NELL2: variants seen among roughly 807,000 people sequenced by gnomAD.
NELL2 encodes neural EGFL like 2, also known as protein kinase C-binding protein NELL2.
In NELL2, 41 loss-of-function variants were observed where a neutral mutation model predicts 109.6. The observed-to-expected ratio is 0.37, with a 90% CI of 0.29 to 0.49. NELL2 has a LOEUF of 0.49. Ranked by LOEUF, NELL2 falls within the 20% of genes least tolerant of loss-of-function variation. The pLI, the probability that NELL2 is intolerant of heterozygous loss-of-function variation, is 0.98. For missense variants in NELL2, 900 were observed against 1,008.3 expected (o/e 0.89, Z 1.45); for synonymous variants, 355 against 344.7 (o/e 1.03, Z -0.33).
intron 1 of NELL2, chr12:44,881,819 T>C (rs1279111137): frequency 6.6e-6 from 1 of 151,868 alleles, no homozygotes; most frequent in Non-Finnish European, 1.5e-5. Context: ...GATACACTTA[T>C]AGGAATCCAT....
intron 12 of NELL2, among the ~76,000 whole-genome samples, chr12:44,668,600 C>T (rs1004067764): frequency 6.6e-6 from 1 of 152,066 alleles, no homozygotes; most frequent in East Asian, 1.9e-4. Context: ...CATCATCCCA[C>T]ACTGCCCACT....
intron 15 of NELL2, among the ~76,000 whole-genome samples, chr12:44,544,603 C>A (rs1307198342): frequency 1.3e-5 from 2 of 152,038 alleles, no homozygotes; most frequent in African/African-American, 4.8e-5. Context: ...ATTCCAAATT[C>A]TTCTCTGTTG....
chr12:44,793,437 C>T (rs1942507179), intron 3 of NELL2, among the ~76,000 whole-genome samples: 1 of 152,122 alleles, frequency 6.6e-6, no homozygotes, highest in Admixed American at 6.5e-5. Flanking sequence ...TTGCTAAATA[C>T]CTGTCAGTTC....
chr12:44,827,114 G>A (rs1280558429), intron 2 of NELL2, among the ~76,000 whole-genome samples: 1 of 152,146 alleles, frequency 6.6e-6, no homozygotes, highest in African/African-American at 2.4e-5. Context: ...TGAGTGAAAC[G>A]TATGAGTTCC....
chr12:44,669,732 A>C (rs900601683), intron 12 of NELL2, among the ~76,000 whole-genome samples: 1 of 152,198 alleles, frequency 6.6e-6, no homozygotes, highest in Non-Finnish European at 1.5e-5. Context: ...TAAGAAGAAT[A>C]AAATGAAATG....
chr12:44,537,696 T>C (rs1942358370), intron 15 of NELL2, among the ~76,000 whole-genome samples: 1 of 152,158 alleles, frequency 6.6e-6, no homozygotes, highest in Admixed American at 6.5e-5. Flanking sequence ...TTCTAGATTA[T>C]CTGAAACATT....
At chr12:44,915,114 G>T (rs750261555), upstream of NELL2, among the ~76,000 whole-genome samples, 1 of 152,146 alleles carries the variant, frequency 6.6e-6, no homozygotes, top group Non-Finnish European at 1.5e-5. Flanking sequence ...GCCTCCCAAA[G>T]TGCTGGGATT....
At chr12:44,778,526 C>A (rs1206552853) in intron 5 of NELL2, among the ~76,000 whole-genome samples, 1 of 152,060 alleles carries the variant, frequency 6.6e-6, no homozygotes, top group Non-Finnish European at 1.5e-5. Context: ...ACATAATTGA[C>A]ATGTGGAGAT....
intron 3 of NELL2, among the ~76,000 whole-genome samples, chr12:44,812,839 G>A (rs781430255): frequency 9.2e-5 from 14 of 152,128 alleles, no homozygotes; most frequent in Admixed American, 6.6e-4. Flanking sequence ...AAAGAACCTA[G>A]TTTAATGATC....
intron 15 of NELL2, among the ~76,000 whole-genome samples, chr12:44,583,404 A>G (rs1944389273): frequency 2.6e-5 from 4 of 152,236 alleles, no homozygotes; most frequent in Admixed American, 2.6e-4. Flanking sequence ...ACACCCCGCC[A>G]ACACCAGAAA....
At chr12:44,853,413 G>A (rs1047666332) in intron 2 of NELL2, among the ~76,000 whole-genome samples, 5 of 152,130 alleles carry the variant, frequency 3.3e-5, no homozygotes, top group African/African-American at 9.6e-5. Flanking sequence ...ACCCAAGTCT[G>A]AATTCTTTAG....
At chr12:44,628,743 C>T (rs991889837) in intron 13 of NELL2, among the ~76,000 whole-genome samples, 1 of 152,126 alleles carries the variant, frequency 6.6e-6, no homozygotes, top group Non-Finnish European at 1.5e-5. Context: ...TCTGCCTGCT[C>T]GCCCCACCCG....
intron 13 of NELL2, among the ~76,000 whole-genome samples, chr12:44,663,355 A>G (rs939403440): frequency 1.3e-5 from 2 of 152,216 alleles, no homozygotes; most frequent in African/African-American, 4.8e-5. Context: ...AGACCTAGTC[A>G]TAATAGAGAG....
chr12:44,600,912 A>G (rs1317292233), intron 15 of NELL2, among the ~76,000 whole-genome samples: 1 of 152,218 alleles, frequency 6.6e-6, no homozygotes, highest in African/African-American at 2.4e-5. Context: ...AATTAATTTT[A>G]AAACAAATTT....
At chr12:44,703,256 C>T (rs547774381) in intron 12 of NELL2, among the ~76,000 whole-genome samples, 1 of 152,332 alleles carries the variant, frequency 6.6e-6, no homozygotes, top group African/African-American at 2.4e-5. Context: ...ATTTACTCCA[C>T]TGGAGCTATT....
At chr12:44,667,495 G>C (rs1947964841) in intron 12 of NELL2, among the ~76,000 whole-genome samples, 1 of 152,196 alleles carries the variant, frequency 6.6e-6, no homozygotes, top group African/African-American at 2.4e-5. Context: ...TGGATGGTGA[G>C]CCAGCCAGAT....
chr12:44,773,020 G>A (rs1380948332), intron 9 of NELL2, among the ~76,000 whole-genome samples: 1 of 152,208 alleles, frequency 6.6e-6, no homozygotes, highest in African/African-American at 2.4e-5. Context: ...TGGTAACACA[G>A]GCAAATGGTA....
At chr12:44,560,493 G>A (rs1943431074) in intron 15 of NELL2, among the ~76,000 whole-genome samples, 3 of 152,072 alleles carry the variant, frequency 2.0e-5, no homozygotes, top group South Asian at 4.1e-4. Context: ...AATGATAAAG[G>A]TGATATCACC....
chr12:44,753,315 T>C (rs1940738130), intron 9 of NELL2, among the ~76,000 whole-genome samples: 1 of 152,198 alleles, frequency 6.6e-6, no homozygotes, highest in African/African-American at 2.4e-5. Flanking sequence ...TCTATCACTT[T>C]CATTCCCTAC....
Sources: allele counts gnomAD v4.1 joint callset (sites outside exome capture counted in the v4.1 genomes callset), GRCh38; gene constraint gnomAD v4.1.1; transcripts MANE v1.5; gene names NCBI Gene and HGNC (gene_info 2026-07-23, HGNC 2026-07-21).